TAFA1: variants seen among roughly 807,000 people sequenced by gnomAD.
TAFA1 encodes chemokine-like protein TAFA-1.
Under a neutral mutation model 18.5 loss-of-function variants are expected in TAFA1, and 4 were observed. The ratio of observed to expected loss-of-function variants is 0.22; its 90% CI spans 0.11 to 0.49. The LOEUF (loss-of-function observed/expected upper bound fraction) is 0.49. TAFA1 is among the 20% of genes least tolerant of loss of function. The pLI is 0.98. For missense variants in TAFA1, 147 were observed against 169.0 expected (o/e 0.87, Z 0.72); for synonymous variants, 56 against 55.2 (o/e 1.01, Z -0.06).
intron 2 of TAFA1, among the ~76,000 whole-genome samples, chr3:68,184,282 A>G (rs2066242364): frequency 1.3e-5 from 2 of 152,146 alleles, no homozygotes; most frequent in South Asian, 2.1e-4. Context: ...GATCACCTCC[A>G]CAAGTTACAT....
chr3:68,081,812 A>C (rs956486064), intron 2 of TAFA1, among the ~76,000 whole-genome samples: 2 of 152,216 alleles, frequency 1.3e-5, no homozygotes, highest in Non-Finnish European at 2.9e-5. Context: ...AGAGGCAGGC[A>C]GGCCTCCTTG....
intron 2 of TAFA1, among the ~76,000 whole-genome samples, chr3:68,137,985 A>G (rs1196397106): frequency 2.7e-5 from 4 of 147,930 alleles, no homozygotes; most frequent in Non-Finnish European, 6.0e-5. Context: ...TACTATTTAA[A>G]AAAAAAAAAA....
intron 2 of TAFA1, among the ~76,000 whole-genome samples, chr3:68,166,034 A>T (rs755537016): frequency 4.6e-5 from 7 of 152,240 alleles, no homozygotes; most frequent in Non-Finnish European, 7.3e-5. Context: ...TTGAAAAGTG[A>T]TGTGAGTAGA....
intron 2 of TAFA1, among the ~76,000 whole-genome samples, chr3:68,060,905 A>G (rs569159887): frequency 6.6e-6 from 1 of 152,308 alleles, no homozygotes; most frequent in African/African-American, 2.4e-5. Context: ...TTCAAGTCTC[A>G]CCATCACAAA....
At chr3:68,461,360 C>CATATATATATATATATATATACAT (rs5849840) in intron 3 of TAFA1, among the ~76,000 whole-genome samples, 1 of 106,624 alleles carries the variant, frequency 9.4e-6, no homozygotes, top group Non-Finnish European at 1.8e-5. Context: ...AATGAAAGTG[C>CATATATATATATATATATATACAT]ATATATATAT....
rs74403357 is a variant in TAFA1, at chr3:68,277,821, A to T, written c.119-139459A>T. Among the ~76,000 whole-genome samples, 130 of 152,304 alleles carry T rather than the reference A, an allele frequency of 8.5e-4. 1 individual carries two copies. In the East Asian group the frequency reaches 0.022, roughly 26 times the overall value. Reference sequence around the variant, plus strand: ...ATCTTTCCATCCCCATTAAAAGGGGATGATAGACATTTTCCTCTACTCAAC... The same window carrying T: ...ATCTTTCCATCCCCATTAAAAGGGGTTGATAGACATTTTCCTCTACTCAAC... On this transcript the variant is annotated intron_variant, in intron 2 of 4. Coordinates refer to ENST00000478136, the MANE Select transcript of TAFA1 (RefSeq NM_213609.4).
chr3:68,168,659 T>C (rs1247123359), intron 2 of TAFA1, among the ~76,000 whole-genome samples: 2 of 152,248 alleles, frequency 1.3e-5, no homozygotes, highest in Non-Finnish European at 2.9e-5. Flanking sequence ...CCTGATTATT[T>C]TGGAGTTGTG....
intron 2 of TAFA1, among the ~76,000 whole-genome samples, chr3:68,191,578 G>T (rs1482626471): frequency 6.6e-6 from 1 of 151,804 alleles, no homozygotes; most frequent in Non-Finnish European, 1.5e-5. Flanking sequence ...TTGAGGAAAT[G>T]CTTATGGATA....
At chr3:68,283,992 G>A (rs1348330172) in intron 2 of TAFA1, among the ~76,000 whole-genome samples, 1 of 152,192 alleles carries the variant, frequency 6.6e-6, no homozygotes, top group East Asian at 1.9e-4. Context: ...TCCTGCAATG[G>A]AGAATGCCTG....
At chr3:68,016,739 A>G (rs1050401554) in intron 2 of TAFA1, among the ~76,000 whole-genome samples, 1 of 152,160 alleles carries the variant, frequency 6.6e-6, no homozygotes, top group Admixed American at 6.5e-5. Context: ...ATTTGCTTGT[A>G]TGGTGATGTA....
Position 68,116,084 on chromosome 3 carries a change from G to A in TAFA1, c.118+109340G>A, listed in dbSNP as rs145334565. ...ATCCTGGCTAACAGGATGAAACCCC[G>A]TCTCTACTAAAAATACAAAAATTAG... is the stretch of plus-strand genomic sequence containing the variant. On this transcript the variant is annotated intron_variant, in intron 2 of 4. Transcript: ENST00000478136. Among the ~76,000 whole-genome samples the A allele has an allele frequency of 6.4e-3, 969 of 152,036 alleles. 11 individuals carry two copies. The highest frequency in any genetic ancestry group is 0.022 in the African/African-American group (919 of 41,466).
At chr3:68,507,924 T>C (rs1208798324) in intron 3 of TAFA1, among the ~76,000 whole-genome samples, 19 of 152,156 alleles carry the variant, frequency 1.2e-4, no homozygotes, top group Admixed American at 1.2e-3. Context: ...AGTTCTCCTT[T>C]GCAAGATATA....
At chr3:68,373,592 T>C (rs1400288402) in intron 2 of TAFA1, among the ~76,000 whole-genome samples, 1 of 152,204 alleles carries the variant, frequency 6.6e-6, no homozygotes, top group African/African-American at 2.4e-5. Context: ...GTTTTCCTCA[T>C]TGAAGCCCTT....
At chr3:68,115,373 G>A (rs912916541) in intron 2 of TAFA1, among the ~76,000 whole-genome samples, 5 of 152,204 alleles carry the variant, frequency 3.3e-5, no homozygotes, top group African/African-American at 1.2e-4. Flanking sequence ...AGATGATACC[G>A]CTACTATGTC....
intron 2 of TAFA1, among the ~76,000 whole-genome samples, chr3:68,384,842 C>T (rs575123489): frequency 1.1e-4 from 16 of 152,024 alleles, no homozygotes; most frequent in South Asian, 2.1e-4. Flanking sequence ...TATGAATCTG[C>T]GTGCTTCTGC....
intron 1 of TAFA1, among the ~76,000 whole-genome samples, chr3:68,005,762 G>C (rs1163841762): frequency 1.3e-5 from 2 of 152,114 alleles, no homozygotes; most frequent in African/African-American, 4.8e-5. Flanking sequence ...TGATTAATTT[G>C]GCAATATGAA....
At chr3:68,438,722 G>T (rs978843193) in intron 3 of TAFA1, among the ~76,000 whole-genome samples, 1 of 152,096 alleles carries the variant, frequency 6.6e-6, no homozygotes, top group Non-Finnish European at 1.5e-5. Context: ...TGAAATCTAG[G>T]TGAAGGCTGC....
chr3:68,022,675 C>T (rs968083253), intron 2 of TAFA1, among the ~76,000 whole-genome samples: 1 of 151,242 alleles, frequency 6.6e-6, no homozygotes. Context: ...TAGAGAAAAT[C>T]AGAAGAATAC....
At chr3:68,271,013 A>G (rs995757295) in intron 2 of TAFA1, among the ~76,000 whole-genome samples, 1 of 152,148 alleles carries the variant, frequency 6.6e-6, no homozygotes, top group Non-Finnish European at 1.5e-5. Flanking sequence ...AAACTGCTTA[A>G]GCCGAGAAAA....
Sources: gnomAD v4.1 joint callset for allele counts (sites outside exome capture counted in the v4.1 genomes callset) on GRCh38, gnomAD v4.1.1 for gene constraint, MANE v1.5 for transcripts, NCBI Gene and HGNC (gene_info 2026-07-23, HGNC 2026-07-21) for gene names.